The following RGL1 variants were observed in gnomAD, a reference collection of about 807,000 sequenced individuals.
The protein encoded by RGL1 is ral guanine nucleotide dissociation stimulator-like 1.
RGL1 carries 24 observed loss-of-function variants against 95.2 expected under a neutral mutation model. That is an observed-to-expected ratio of 0.25 (90% CI 0.18 to 0.35). The LOEUF is 0.35. Among genes scored for constraint, RGL1 ranks in the 10% least tolerant of loss-of-function variants. The pLI is 1.00. For synonymous variants in RGL1, 329 were observed against 344.9 expected (o/e 0.95, Z 0.51); for missense variants, 715 against 936.3 (o/e 0.76, Z 3.08).
At chr1:183,898,727 T>C (rs1667845859) in intron 10 of RGL1, among the ~76,000 whole-genome samples, 1 of 152,172 alleles carries the variant, frequency 6.6e-6, no homozygotes, top group Non-Finnish European at 1.5e-5. Context: ...ACCAAAAAAA[T>C]AGATTATTTT....
intron 2 of RGL1, among the ~76,000 whole-genome samples, chr1:183,826,582 C>A (rs929171248): frequency 5.9e-5 from 9 of 151,990 alleles, no homozygotes; most frequent in Admixed American, 6.5e-5. Context: ...TGATGAAATA[C>A]CAGGCATAAA....
chr1:183,676,265 T>C (rs1367476183), intron 1 of RGL1, among the ~76,000 whole-genome samples: 3 of 152,172 alleles, frequency 2.0e-5, no homozygotes, highest in African/African-American at 4.8e-5. Flanking sequence ...GAAACCTTTG[T>C]CTTGATTTTA....
rs537212888 is a variant in RGL1 at position 183,779,316 on chromosome 1, T to G, written c.133-27059T>G. Among the ~76,000 whole-genome samples, 11 of 152,056 alleles carry G rather than the reference T, an allele frequency of 7.2e-5. 1 individual carries two copies. The East Asian group carries it at 2.1e-3, about 29-fold the overall frequency. On this transcript the variant is annotated intron_variant, in intron 2 of 18. Coordinates refer to the RGL1 transcript ENST00000304685. ...AATGCAATGTCACCCAGGCTGGATC[T>G]TGGCTCACTGCAACCTCTGCCTCCT...
chr1:183,842,095 G>A (rs77540860), intron 2 of RGL1, among the ~76,000 whole-genome samples: 7,151 of 152,234 alleles, frequency 0.047, 247 homozygotes, highest in Non-Finnish European at 0.072. Context: ...TACTTTTGGT[G>A]TTTGGGGATG....
At chr1:183,689,477 C>T (rs746380760) in intron 1 of RGL1, among the ~76,000 whole-genome samples, 7 of 152,172 alleles carry the variant, frequency 4.6e-5, no homozygotes, top group Non-Finnish European at 8.8e-5. Flanking sequence ...TTCAAGCACC[C>T]TGTTCTCCAC....
chr1:183,669,161 C>T (rs1383865135), intron 1 of RGL1, among the ~76,000 whole-genome samples: 1 of 152,024 alleles, frequency 6.6e-6, no homozygotes, highest in Non-Finnish European at 1.5e-5. Context: ...CCAGGATGGT[C>T]TCAATCTCAT....
intron 2 of RGL1, among the ~76,000 whole-genome samples, chr1:183,794,023 A>G (rs1660566797): frequency 6.6e-6 from 1 of 151,554 alleles, no homozygotes; most frequent in African/African-American, 2.4e-5. Context: ...ACCTAAGTGT[A>G]CATCAGTGGA....
intron 1 of RGL1, among the ~76,000 whole-genome samples, chr1:183,683,859 T>A (rs1653387754): frequency 6.6e-6 from 1 of 152,176 alleles, no homozygotes; most frequent in Non-Finnish European, 1.5e-5. Context: ...AGGCTTTGTC[T>A]GTTCCTTTTC....
intron 2 of RGL1, among the ~76,000 whole-genome samples, chr1:183,743,571 T>C (rs1657444186): frequency 6.6e-6 from 1 of 152,170 alleles, no homozygotes; most frequent in Admixed American, 6.5e-5. Flanking sequence ...AACAGAACTT[T>C]CTGGGGCAAA....
intron 1 of RGL1, among the ~76,000 whole-genome samples, chr1:183,711,762 T>C (rs1031279185): frequency 9.2e-5 from 14 of 151,550 alleles, no homozygotes; most frequent in African/African-American, 3.4e-4. Flanking sequence ...CACAAGCATT[T>C]ACTATGTTAA....
intron 14 of RGL1, among the ~76,000 whole-genome samples, chr1:183,908,035 T>C (rs956726404): frequency 1.6e-4 from 24 of 151,920 alleles, no homozygotes; most frequent in Non-Finnish European, 3.2e-4. Context: ...AACAAATATA[T>C]ATATATATTT....
intron 11 of RGL1, among the ~76,000 whole-genome samples, chr1:183,901,447 A>G (rs992145323): frequency 2.0e-5 from 3 of 152,200 alleles, no homozygotes; most frequent in Non-Finnish European, 2.9e-5. Flanking sequence ...AGATCGTGTC[A>G]TTGCACGATC....
At chr1:183,868,113 G>A (rs539898503) in intron 4 of RGL1, among the ~76,000 whole-genome samples, 9 of 152,302 alleles carry the variant, frequency 5.9e-5, no homozygotes, top group African/African-American at 2.2e-4. Flanking sequence ...CTGAAGCATG[G>A]TGAAGATTTT....
intron 9 of RGL1, among the ~76,000 whole-genome samples, chr1:183,893,033 C>G (rs1223203464): frequency 1.3e-5 from 2 of 152,198 alleles, no homozygotes; most frequent in East Asian, 1.9e-4. Flanking sequence ...GTGCTTTTAT[C>G]ACCAAGACAT....
intron 16 of RGL1, among the ~76,000 whole-genome samples, chr1:183,918,028 G>T (rs1340389097): frequency 6.6e-6 from 1 of 152,188 alleles, no homozygotes; most frequent in Non-Finnish European, 1.5e-5. Context: ...TGATGAGGTA[G>T]AATTGTAGAA....
chr1:183,660,434 A>G (rs1356858873), intron 1 of RGL1, among the ~76,000 whole-genome samples: 4 of 151,648 alleles, frequency 2.6e-5, no homozygotes, highest in African/African-American at 9.8e-5. Context: ...CAGACTTTAA[A>G]CCAACAAAGA....
chr1:183,885,300 G>A (rs536351060), intron 7 of RGL1, among the ~76,000 whole-genome samples: 8 of 152,294 alleles, frequency 5.3e-5, no homozygotes, highest in African/African-American at 1.9e-4. Flanking sequence ...TGGTCTGCAT[G>A]TCAAAACAGA....
At position 183,752,674 on chromosome 1, in the gene RGL1, TTCTC is replaced by T. The variant is rs71130636; in HGVS notation, c.132+10413_132+10416del. ...AACAGTAACACATCTCTTTCTCTCT[TTCTC>T]TCTCTCTCTCTCTCTCTCTCTCTCT... On this transcript the variant is annotated intron_variant, in intron 2 of 18. Coordinates refer to the RGL1 transcript ENST00000304685. Among the ~76,000 whole-genome samples, 302 of 31,254 alleles carry T rather than the reference TTCTC, an allele frequency of 9.7e-3. 5 individuals are homozygous for T. The highest frequency in any genetic ancestry group is 0.017 in the African/African-American group (115 of 6,906). 20.5% of individuals were successfully genotyped at this position (31,254 alleles called of 152,430 possible).
intron 2 of RGL1, among the ~76,000 whole-genome samples, chr1:183,762,964 A>G (rs1400333920): frequency 6.6e-6 from 1 of 152,240 alleles, no homozygotes; most frequent in African/African-American, 2.4e-5. Flanking sequence ...GGCACTGTTC[A>G]CAATAGCAAA....
Sources: gnomAD v4.1 joint callset for allele counts (sites outside exome capture counted in the v4.1 genomes callset) on GRCh38, gnomAD v4.1.1 for gene constraint, MANE v1.5 for transcripts, NCBI Gene and HGNC (gene_info 2026-07-23, HGNC 2026-07-21) for gene names.